The following FGGY variants were observed in gnomAD, a reference collection of about 807,000 sequenced individuals.
FGGY encodes FGGY carbohydrate kinase domain-containing protein.
FGGY carries 72 observed loss-of-function variants against 71.3 expected under a neutral mutation model. That is an observed-to-expected ratio of 1.01 (90% CI 0.84 to 1.23). The LOEUF (loss-of-function observed/expected upper bound fraction) is 1.23. FGGY is among the 50% of genes most tolerant of loss of function. The pLI, the probability that FGGY is intolerant of heterozygous loss-of-function variation, is 0.00. For synonymous variants in FGGY, 251 were observed against 250.3 expected (o/e 1.00, Z -0.02); for missense variants, 668 against 682.3 (o/e 0.98, Z 0.23).
intron 2 of FGGY, among the ~76,000 whole-genome samples, chr1:59,326,602 C>T (rs1570413433): frequency 6.6e-6 from 1 of 152,312 alleles, no homozygotes; most frequent in African/African-American, 2.4e-5. Flanking sequence ...TGGGTCAAAC[C>T]TATGCATTCT....
In FGGY at chr1:59,579,376, A is replaced by T. The variant is rs116094442; in HGVS notation, c.903+25149A>T. Reference sequence around the variant, plus strand: ...TCTGTAGAGTATGACCTCCAAACATATATCTCCAGCCTGACCCTGATATCC... The same window carrying T: ...TCTGTAGAGTATGACCTCCAAACATTTATCTCCAGCCTGACCCTGATATCC... On this transcript the variant is annotated intron_variant, in intron 8 of 15. Coordinates refer to ENST00000303721, the MANE Select transcript of FGGY (RefSeq NM_018291.5). 1.5e-4 allele frequency among the ~76,000 whole-genome samples: 23 copies of T among 152,174 alleles called. No individual in the cohort carries two copies. The South Asian group carries it at 1.7e-3, about 11-fold the overall frequency.
intron 6 of FGGY, among the ~76,000 whole-genome samples, chr1:59,465,105 A>C (rs932532120): frequency 8.5e-5 from 13 of 152,202 alleles, no homozygotes; most frequent in African/African-American, 3.1e-4. Context: ...TCGATGCAGA[A>C]ATCCTCAATA....
At chr1:59,399,748 G>A (rs1390622509) in intron 5 of FGGY, among the ~76,000 whole-genome samples, 1 of 152,130 alleles carries the variant, frequency 6.6e-6, no homozygotes, top group African/African-American at 2.4e-5. Flanking sequence ...GAGATTAAAA[G>A]ACACTTCTTA....
chr1:59,566,437 T>C (rs573624346), intron 8 of FGGY, among the ~76,000 whole-genome samples: 1 of 152,336 alleles, frequency 6.6e-6, no homozygotes, highest in South Asian at 2.1e-4. Context: ...TCTTAAGAGC[T>C]GTCAGAAGTT....
chr1:59,630,328 A>C (rs1333315951), intron 10 of FGGY, among the ~76,000 whole-genome samples: 1 of 152,120 alleles, frequency 6.6e-6, no homozygotes, highest in Non-Finnish European at 1.5e-5. Flanking sequence ...TTGTAAGAGG[A>C]GGAAGTTTGG....
chr1:59,402,073 T>C (rs1306571226), intron 5 of FGGY, among the ~76,000 whole-genome samples: 2 of 152,242 alleles, frequency 1.3e-5, no homozygotes, highest in African/African-American at 4.8e-5. Flanking sequence ...ATTGTGTGTC[T>C]TCATCACTTA....
At chr1:59,379,844 C>T (rs2059169354) in intron 5 of FGGY, among the ~76,000 whole-genome samples, 1 of 151,824 alleles carries the variant, frequency 6.6e-6, no homozygotes, top group African/African-American at 2.4e-5. Context: ...TACATGTGCA[C>T]AACCTGCAGG....
rs149605113 is a variant in FGGY at position 59,511,683 on chromosome 1, A to G, written c.671-628A>G. On this transcript the variant is annotated intron_variant, in intron 6 of 15. Transcript: ENST00000303721. The stretch of plus-strand genomic sequence containing the variant: ...TGAAAAATCAGGGTCACTGCATTGC[A>G]CAACTCCAAAGAACATCATTCAAAT... Among the ~76,000 whole-genome samples, 326 of 152,362 alleles carry G rather than the reference A, an allele frequency of 2.1e-3. 1 individual carries two copies. Among genetic ancestry groups the G allele is most frequent in the African/African-American group, 7.7e-3 (320 of 41,586 alleles).
chr1:59,565,250 C>T (rs1457431029), intron 8 of FGGY, among the ~76,000 whole-genome samples: 2 of 152,104 alleles, frequency 1.3e-5, no homozygotes, highest in Non-Finnish European at 1.5e-5. Context: ...CTCAGAGAGA[C>T]AAGTGACTTA....
intron 5 of FGGY, among the ~76,000 whole-genome samples, chr1:59,440,087 C>T (rs1190896821): frequency 2.6e-5 from 2 of 77,612 alleles, no homozygotes; most frequent in Non-Finnish European, 4.9e-5. Context: ...AACTGCTTTG[C>T]AAGGTTCAAA....
intron 5 of FGGY, among the ~76,000 whole-genome samples, chr1:59,413,255 C>G (rs2063866128): frequency 6.6e-6 from 1 of 152,198 alleles, no homozygotes. Flanking sequence ...TCACCTGCAT[C>G]TCTCCTTCTT....
chr1:59,696,210 G>A (rs2097657484), intron 14 of FGGY, among the ~76,000 whole-genome samples: 2 of 152,172 alleles, frequency 1.3e-5, no homozygotes, highest in African/African-American at 4.8e-5. Flanking sequence ...AAAATGTACA[G>A]ACATACCACC....
At chr1:59,436,505 ATTC>A (rs1380600319) in intron 5 of FGGY, among the ~76,000 whole-genome samples, 2 of 152,128 alleles carry the variant, frequency 1.3e-5, no homozygotes, top group South Asian at 4.1e-4. Context: ...TGTTCATCTC[ATTC>A]TTCTTCTGCC....
intron 5 of FGGY, among the ~76,000 whole-genome samples, chr1:59,438,920 G>A (rs943605638): frequency 1.3e-4 from 20 of 152,040 alleles, no homozygotes; most frequent in Non-Finnish European, 1.9e-4. Context: ...CTGTTCCAAC[G>A]CATGATTTAA....
intron 5 of FGGY, among the ~76,000 whole-genome samples, chr1:59,447,100 T>C (rs2071458069): frequency 1.3e-5 from 2 of 152,164 alleles, no homozygotes; most frequent in Admixed American, 6.6e-5. Flanking sequence ...GGCTCCTACC[T>C]AACTAGGAAA....
chr1:59,345,682 G>A (rs2051707892), intron 3 of FGGY, among the ~76,000 whole-genome samples: 1 of 151,196 alleles, frequency 6.6e-6, no homozygotes, highest in East Asian at 1.9e-4. Context: ...AAACCCATGA[G>A]CTTCCCACGC....
chr1:59,689,889 A>G (rs12069900), intron 14 of FGGY, among the ~76,000 whole-genome samples: 124,925 of 152,118 alleles, frequency 0.82, 51,734 homozygotes, highest in Non-Finnish European at 0.88. Context: ...TCCCTCCCCA[A>G]CCCCTCCCTG....
At chr1:59,595,487 G>A (rs928124429) in intron 8 of FGGY, among the ~76,000 whole-genome samples, 7 of 152,010 alleles carry the variant, frequency 4.6e-5, no homozygotes, top group African/African-American at 1.7e-4. Flanking sequence ...TCAGGAGTTC[G>A]AGACCAGCCT....
intron 7 of FGGY, among the ~76,000 whole-genome samples, chr1:59,525,347 C>G (rs2094948295): frequency 6.6e-6 from 1 of 152,126 alleles, no homozygotes; most frequent in Non-Finnish European, 1.5e-5. Flanking sequence ...GGAATGAGCC[C>G]AGCAGGCACG....
Sources: allele counts gnomAD v4.1 joint callset (sites outside exome capture counted in the v4.1 genomes callset), GRCh38; gene constraint gnomAD v4.1.1; transcripts MANE v1.5; gene names NCBI Gene and HGNC (gene_info 2026-07-23, HGNC 2026-07-21).